CTNNA2: variants seen among roughly 807,000 people sequenced by gnomAD.
CTNNA2 encodes the protein catenin alpha-2.
Under a neutral mutation model 101.0 loss-of-function variants are expected in CTNNA2, and 42 were observed. The ratio of observed to expected loss-of-function variants is 0.42; its 90% CI spans 0.32 to 0.54. CTNNA2 has a LOEUF of 0.54. Ranked by LOEUF, CTNNA2 falls within the 20% of genes least tolerant of loss-of-function variation. The probability of loss-of-function intolerance (pLI) is 0.14; values close to 1 mark genes in which losing one functional copy is unlikely to be tolerated. For synonymous variants in CTNNA2, 450 were observed against 456.4 expected (o/e 0.99, Z 0.18); for missense variants, 871 against 1,223.1 (o/e 0.71, Z 4.29).
At chr2:79,242,710 A>G (rs1572995571) in intron 2 of CTNNA2, among the ~76,000 whole-genome samples, 1 of 152,106 alleles carries the variant, frequency 6.6e-6, no homozygotes, top group Non-Finnish European at 1.5e-5. Context: ...GCTCACGCCT[A>G]TAATCTCAGC....
At chr2:79,667,567 C>G (rs953722525) in intron 2 of CTNNA2, among the ~76,000 whole-genome samples, 21 of 152,092 alleles carry the variant, frequency 1.4e-4, no homozygotes, top group African/African-American at 4.8e-4. Context: ...CTAACACAAT[C>G]TGGTAGGAAT....
At chr2:79,592,811 A>C (rs1045446523) in intron 1 of CTNNA2, among the ~76,000 whole-genome samples, 1 of 152,162 alleles carries the variant, frequency 6.6e-6, no homozygotes, top group Non-Finnish European at 1.5e-5. Context: ...CTATCCAGCT[A>C]ATTTTTCTGC....
At chr2:80,483,912 G>A (rs183288409) in intron 9 of CTNNA2, among the ~76,000 whole-genome samples, 19 of 152,234 alleles carry the variant, frequency 1.2e-4, no homozygotes, top group African/African-American at 4.6e-4. Context: ...AACTAATGAA[G>A]AGAAAACCTT....
intron 3 of CTNNA2, among the ~76,000 whole-genome samples, chr2:79,341,038 A>G (rs1677126212): frequency 6.6e-6 from 1 of 151,978 alleles, no homozygotes; most frequent in African/African-American, 2.4e-5. Flanking sequence ...ATATATATAT[A>G]ATCTCATTTA....
chr2:79,223,511 T>C (rs1216235902), intron 2 of CTNNA2, among the ~76,000 whole-genome samples: 2 of 152,166 alleles, frequency 1.3e-5, no homozygotes, highest in Non-Finnish European at 2.9e-5. Flanking sequence ...TTAGACGAAG[T>C]AGTTACTGAG....
intron 7 of CTNNA2, among the ~76,000 whole-genome samples, chr2:80,353,481 T>C (rs190635180): frequency 1.3e-5 from 2 of 152,314 alleles, no homozygotes; most frequent in Admixed American, 6.5e-5. Flanking sequence ...AGCTACCATG[T>C]GTCCAGTTGA....
intron 7 of CTNNA2, among the ~76,000 whole-genome samples, chr2:79,982,375 A>C (rs200393138): frequency 2.1e-5 from 1 of 47,494 alleles, no homozygotes; most frequent in African/African-American, 8.1e-5. Context: ...ACATATATAT[A>C]ACATATATAA....
At position 79,461,548 on chromosome 2, in the gene CTNNA2, A is replaced by G. The variant is rs530545326; in HGVS notation, c.-134-43506A>G. Reference sequence around the variant, plus strand: ...ACCAGGTGGCTTCAGTCCCCACCTCATATAAATGTCTCTGTAATCAACACC... The same window carrying G: ...ACCAGGTGGCTTCAGTCCCCACCTCGTATAAATGTCTCTGTAATCAACACC... On this transcript the variant is annotated intron_variant, in intron 4 of 21. Coordinates refer to the CTNNA2 transcript ENST00000466387. Among the ~76,000 whole-genome samples the G allele has an allele frequency of 2.0e-5, 3 of 152,232 alleles. No homozygotes were observed. The East Asian group carries it at 5.8e-4, about 30-fold the overall frequency.
intron 9 of CTNNA2, among the ~76,000 whole-genome samples, chr2:80,514,377 C>T (rs779968343): frequency 6.6e-6 from 1 of 152,108 alleles, no homozygotes; most frequent in Non-Finnish European, 1.5e-5. Flanking sequence ...CTCCTCTGTT[C>T]GTGGACAGTG....
intron 4 of CTNNA2, among the ~76,000 whole-genome samples, chr2:79,485,739 A>G (rs1321061919): frequency 6.6e-6 from 1 of 152,202 alleles, no homozygotes; most frequent in Non-Finnish European, 1.5e-5. Context: ...CAACTGATGT[A>G]GGCCTCATTG....
At chr2:80,497,098 GAAGAA>G (rs2149526675) in intron 9 of CTNNA2, among the ~76,000 whole-genome samples, 1 of 152,300 alleles carries the variant, frequency 6.6e-6, no homozygotes, top group African/African-American at 2.4e-5. Context: ...AAGTTTTGCT[GAAGAA>G]AAGATATCTG....
At chr2:80,639,513 A>ATGTGTGTGTGTGTGTGTGTGTG (rs112045877) in intron 18 of CTNNA2, among the ~76,000 whole-genome samples, 109 of 147,516 alleles carry the variant, frequency 7.4e-4, no homozygotes, top group Non-Finnish European at 1.2e-3. Flanking sequence ...CCCAGCCTTG[A>ATGTGTGTGTGTGTGTGTGTGTG]TGTGTGTGTG....
At chr2:80,508,224 T>C (rs1158286644) in intron 9 of CTNNA2, among the ~76,000 whole-genome samples, 2 of 152,130 alleles carry the variant, frequency 1.3e-5, no homozygotes, top group African/African-American at 2.4e-5. Flanking sequence ...TCTAGCACTT[T>C]GGGAGGCTGA....
intron 7 of CTNNA2, among the ~76,000 whole-genome samples, chr2:80,115,409 G>A (rs1701456098): frequency 6.6e-6 from 1 of 152,190 alleles, no homozygotes; most frequent in African/African-American, 2.4e-5. Context: ...CCTGACACGT[G>A]AAGAAATGGA....
At chr2:80,126,869 G>A (rs1335584728) in intron 7 of CTNNA2, among the ~76,000 whole-genome samples, 1 of 152,128 alleles carries the variant, frequency 6.6e-6, no homozygotes, top group Non-Finnish European at 1.5e-5. Flanking sequence ...TGGAGAAAGA[G>A]AATGGACTGG....
intron 7 of CTNNA2, among the ~76,000 whole-genome samples, chr2:79,940,262 A>G (rs1336156948): frequency 6.6e-6 from 1 of 152,194 alleles, no homozygotes; most frequent in Non-Finnish European, 1.5e-5. Flanking sequence ...TTTACCAAGA[A>G]AATAAAGAAG....
intron 3 of CTNNA2, among the ~76,000 whole-genome samples, chr2:79,786,486 GA>G (rs111675038): frequency 6.7e-6 from 1 of 148,156 alleles, no homozygotes; most frequent in Non-Finnish European, 1.5e-5. Context: ...ATTAAGTAAA[GA>G]TATTTTTTTT....
At chr2:80,486,975 C>T (rs988112243) in intron 9 of CTNNA2, among the ~76,000 whole-genome samples, 1 of 152,110 alleles carries the variant, frequency 6.6e-6, no homozygotes, top group African/African-American at 2.4e-5. Flanking sequence ...GTAGCTCTGA[C>T]ATATTGCTTT....
At chr2:79,916,724 A>G (rs1014500295) in intron 7 of CTNNA2, among the ~76,000 whole-genome samples, 3 of 151,482 alleles carry the variant, frequency 2.0e-5, no homozygotes, top group Admixed American at 6.6e-5. Context: ...CTGGGACAAC[A>G]GGATTCTCCT....
Sources: allele counts gnomAD v4.1 joint callset (sites outside exome capture counted in the v4.1 genomes callset), GRCh38; gene constraint gnomAD v4.1.1; transcripts MANE v1.5; gene names NCBI Gene and HGNC (gene_info 2026-07-23, HGNC 2026-07-21).